The following CDH4 variants were observed in gnomAD, a reference collection of about 807,000 sequenced individuals.
CDH4 encodes the protein cadherin-4.
In CDH4, 33 loss-of-function variants were observed where a neutral mutation model predicts 86.0. The observed-to-expected ratio is 0.38, with a 90% confidence interval of 0.29 to 0.51. The LOEUF (loss-of-function observed/expected upper bound fraction) is 0.51. CDH4 is among the 20% of genes least tolerant of loss of function. CDH4 has a pLI of 0.86. For missense variants in CDH4, 1,114 were observed against 1,307.4 expected (o/e 0.85, Z 2.28); for synonymous variants, 555 against 549.4 (o/e 1.01, Z -0.14).
chr20:61,631,134 C>T (rs978197266), intron 2 of CDH4, among the ~76,000 whole-genome samples: 5 of 152,180 alleles, frequency 3.3e-5, no homozygotes, highest in African/African-American at 7.2e-5. Flanking sequence ...CCAAGGTGTT[C>T]GAGCTGGGAC....
chr20:61,495,332 C>G (rs1463482564), intron 2 of CDH4, among the ~76,000 whole-genome samples: 1 of 152,280 alleles, frequency 6.6e-6, no homozygotes, highest in East Asian at 1.9e-4. Flanking sequence ...TACAGCACAG[C>G]CTACGAACCC....
chr20:61,690,032 G>A (rs917897652), intron 2 of CDH4, among the ~76,000 whole-genome samples: 1 of 150,210 alleles, frequency 6.7e-6, no homozygotes, highest in Non-Finnish European at 1.5e-5. Context: ...GACACTGGTT[G>A]GTGAGGTGAT....
rs1568777180 is a variant in CDH4 at position 61,274,760 on chromosome 20, CAGTACTGTGTGCAGTTTGGGGG to C, written c.169+19851_169+19872del. On this transcript the variant is annotated intron_variant, in intron 2 of 15. Coordinates refer to ENST00000614565, the MANE Select transcript of CDH4 (RefSeq NM_001794.5). ...GGGGAGTACTGTGTGCAGTTTGGGG[CAGTACTGTGTGCAGTTTGGGGG>C]AGTACTGTGTGCAGTTTGGGGGAGT... Among the ~76,000 whole-genome samples, 13 of 33,344 alleles carry C rather than the reference CAGTACTGTGTGCAGTTTGGGGG, an allele frequency of 3.9e-4. No homozygotes were observed. In the East Asian group the frequency reaches 5.9e-3, roughly 15 times the overall value. 21.9% of individuals were successfully genotyped at this position (33,344 alleles called of 152,430 possible). A position where few individuals can be genotyped will look rare whatever the true frequency, so the allele number is the denominator to read the frequency against.
At chr20:61,455,337 A>G (rs1201337113) in intron 2 of CDH4, among the ~76,000 whole-genome samples, 1 of 152,200 alleles carries the variant, frequency 6.6e-6, no homozygotes, top group African/African-American at 2.4e-5. Context: ...ACAACTGCAA[A>G]CACCCACAGC....
intron 2 of CDH4, among the ~76,000 whole-genome samples, chr20:61,617,148 C>T (rs746012584): frequency 3.3e-5 from 5 of 152,208 alleles, no homozygotes; most frequent in African/African-American, 7.2e-5. Flanking sequence ...CACCCACCAC[C>T]GCCCTCTGTG....
chr20:61,476,645 CCTT>C (rs2085537933), intron 2 of CDH4, among the ~76,000 whole-genome samples: 1 of 152,226 alleles, frequency 6.6e-6, no homozygotes, highest in African/African-American at 2.4e-5. Flanking sequence ...CACCTTCAGT[CCTT>C]CTGTGTAGCT....
Position 61,852,798 on chromosome 20 carries a change from C to T in CDH4, c.777C>T (p.Asn259=), listed in dbSNP as rs781435194. 2 of 1,613,986 alleles carry T rather than the reference C, an allele frequency of 1.2e-6. No homozygotes were observed. The highest frequency in any genetic ancestry group is 2.2e-5 in the South Asian group (2 of 91,056). The change falls in exon 6 of 16, where the codon AAC becomes AAT. Residue 259 remains asparagine, a synonymous_variant. Transcript: ENST00000614565. ...ACATGAATGGCAACAAGGTGGAGAA[C>T]CCCATCGACCTGTACATCTACGTCA... The part of the protein sequence containing the change: ...AVDMNGNKVE[N]PIDLYIYVID...
rs1464782805 is a variant in CDH4, at chr20:61,455,122, G to A, written c.169+200185G>A. On this transcript the variant is annotated intron_variant, in intron 2 of 15. Coordinates refer to ENST00000614565, the MANE Select transcript of CDH4 (RefSeq NM_001794.5). ...TTTTTCATCTCACGTGTAGATTTGT[G>A]TAACCACCACAACCAACATCCCAGA... is the stretch of plus-strand genomic sequence containing the variant. Among the ~76,000 whole-genome samples, 4 of 152,210 alleles carry A rather than the reference G, an allele frequency of 2.6e-5. No individual in the cohort carries two copies. The East Asian group carries it at 7.7e-4, about 29-fold the overall frequency.
chr20:61,550,344 G>T (rs1240395542), intron 2 of CDH4, among the ~76,000 whole-genome samples: 1 of 151,022 alleles, frequency 6.6e-6, no homozygotes, highest in Non-Finnish European at 1.5e-5. Context: ...TCCCTAGCCT[G>T]CTTCCCTGGC....
At chr20:61,488,755 C>T (rs1450775032) in intron 2 of CDH4, among the ~76,000 whole-genome samples, 7 of 152,108 alleles carry the variant, frequency 4.6e-5, no homozygotes, top group African/African-American at 7.2e-5. Context: ...ATGCTCCTGT[C>T]GGCTGTTCTC....
At chr20:61,925,473 C>T (rs2055035171) in intron 11 of CDH4, among the ~76,000 whole-genome samples, 1 of 152,196 alleles carries the variant, frequency 6.6e-6, no homozygotes, top group African/African-American at 2.4e-5. Flanking sequence ...GTCACCGGAA[C>T]ACTGAGGAAG....
chr20:61,268,863 C>A (rs2084169805), intron 2 of CDH4, among the ~76,000 whole-genome samples: 1 of 152,192 alleles, frequency 6.6e-6, no homozygotes, highest in Non-Finnish European at 1.5e-5. Flanking sequence ...TTTTCTGTGT[C>A]ACTTACTCAG....
intron 4 of CDH4, among the ~76,000 whole-genome samples, chr20:61,780,547 G>A (rs1455487781): frequency 6.6e-6 from 1 of 152,238 alleles, no homozygotes; most frequent in Non-Finnish European, 1.5e-5. Context: ...CTGCTAGTCA[G>A]CCCTTCATGG....
chr20:61,933,660 C>G (rs2055141629), intron 14 of CDH4, among the ~76,000 whole-genome samples: 1 of 147,392 alleles, frequency 6.8e-6, no homozygotes, highest in Admixed American at 6.6e-5. Context: ...TTGCGGAGGC[C>G]CAGCTCCTGG....
rs530509962 is a variant in CDH4, at chr20:61,457,164, G to T, written c.169+202227G>T. Among the ~76,000 whole-genome samples, 3 of 152,266 alleles carry T rather than the reference G, an allele frequency of 2.0e-5. No individual in the cohort carries two copies. In the East Asian group the frequency reaches 5.8e-4, roughly 29 times the overall value. Reference sequence around the variant, plus strand: ...AAGCCACAGTGTTGCTATCACCACGGGGGCCCTTTTGGAGACAAGGAGCGG... The same window carrying T: ...AAGCCACAGTGTTGCTATCACCACGTGGGCCCTTTTGGAGACAAGGAGCGG... On this transcript the variant is annotated intron_variant, in intron 2 of 15. Coordinates refer to ENST00000614565, the MANE Select transcript of CDH4 (RefSeq NM_001794.5).
rs181138028 is a variant in CDH4 at position 61,548,933 on chromosome 20, A to G, written c.170-194630A>G. ...GATTACAGAGCTGATGCCTTCAGAG[A>G]GTGCAAGTCATGTATCTTGTTATAT... is the stretch of plus-strand genomic sequence containing the variant. On this transcript the variant is annotated intron_variant, in intron 2 of 15. Transcript: ENST00000614565. 1.3e-5 allele frequency among the ~76,000 whole-genome samples: 2 copies of G among 151,940 alleles called. 1 individual carries two copies. The highest frequency in any genetic ancestry group is 1.3e-4 in the Admixed American group (2 of 15,252).
At chr20:61,658,392 CA>C (rs1235440034) in intron 2 of CDH4, among the ~76,000 whole-genome samples, 1 of 152,198 alleles carries the variant, frequency 6.6e-6, no homozygotes, top group African/African-American at 2.4e-5. Flanking sequence ...ATCGCAGCTG[CA>C]ATCCCTGAGT....
rs772441780 is a variant in CDH4 at position 61,895,065 on chromosome 20, G to T, written c.1188+18G>T. 1.9e-6 allele frequency: 3 copies of T among 1,611,922 alleles called. No individual in the cohort carries two copies. The highest frequency in any genetic ancestry group is 2.5e-6 in the Non-Finnish European group (3 of 1,179,148). The stretch of plus-strand genomic sequence containing the variant: ...CCAGCACGGTGAGTCCCTCGAAGCT[G>T]CCCAGTGACGCATGGCCCGTGCAGG... On this transcript the variant is annotated intron_variant, in intron 8 of 15. Transcript: ENST00000614565.
At chr20:61,290,851 C>T (rs1006730693) in intron 2 of CDH4, among the ~76,000 whole-genome samples, 1 of 152,146 alleles carries the variant, frequency 6.6e-6, no homozygotes, top group Non-Finnish European at 1.5e-5. Context: ...TAAAAGTGGG[C>T]CATATTCCTG....
Sources: allele counts gnomAD v4.1 joint callset (sites outside exome capture counted in the v4.1 genomes callset), GRCh38; gene constraint gnomAD v4.1.1; transcripts MANE v1.5; gene names NCBI Gene and HGNC (gene_info 2026-07-23, HGNC 2026-07-21).